DDX31: variants seen among roughly 807,000 people sequenced by gnomAD.
The protein encoded by DDX31 is DEAD-box helicase 31.
Under a neutral mutation model 91.3 loss-of-function variants are expected in DDX31, and 70 were observed. The observed-to-expected ratio is 0.77, with a 90% CI of 0.63 to 0.94. The LOEUF (loss-of-function observed/expected upper bound fraction) is 0.94, where lower values mean the gene tolerates loss of function less well. Ranked by LOEUF, DDX31 falls within the 40% of genes least tolerant of loss-of-function variation. The pLI, the probability that DDX31 is intolerant of heterozygous loss-of-function variation, is 0.00. For missense variants in DDX31, 902 were observed against 925.0 expected, an observed-to-expected ratio of 0.98 and a Z score of 0.32; for synonymous variants, 362 against 350.6, an observed-to-expected ratio of 1.03 and a Z score of -0.36.
intron 9 of DDX31, among the ~76,000 whole-genome samples, chr9:132,649,480 A>G (rs1015486124): frequency 6.6e-6 from 1 of 152,222 alleles, no homozygotes; most frequent in Non-Finnish European, 1.5e-5. Flanking sequence ...AAAAAGACAG[A>G]AAGAGCTTGG....
At chr9:132,667,016 T>C (rs980181763) in intron 1 of DDX31, among the ~76,000 whole-genome samples, 2 of 150,984 alleles carry the variant, frequency 1.3e-5, no homozygotes, top group Admixed American at 6.6e-5. Flanking sequence ...CCAAGCCTTT[T>C]TTTTGTATTT....
At chr9:132,669,591 A>C in intron 1 of DDX31, 4 of 1,480,418 alleles carry the variant, frequency 2.7e-6, no homozygotes, top group Non-Finnish European at 1.8e-6. Context: ...AACAGCCTCT[A>C]ATTCCTTCCT....
intron 3 of DDX31, 43 bp from the exon 4 acceptor site, chr9:132,661,294 A>G: frequency 6.9e-7 from 1 of 1,453,054 alleles, no homozygotes; most frequent in Non-Finnish European, 9.6e-7. Flanking sequence ...ATTTTGATAC[A>G]AAATATTTAA....
intron 19 of DDX31, among the ~76,000 whole-genome samples, chr9:132,597,027 G>C (rs961843253): frequency 5.9e-5 from 9 of 152,142 alleles, no homozygotes; most frequent in Admixed American, 4.6e-4. Context: ...ACATATAAGG[G>C]GGTAGCTGGT....
rs147780344 is a variant in DDX31 at position 132,660,990 on chromosome 9, G to A, written c.452+218C>T. The A allele has an allele frequency of 1.2e-4, 64 of 530,992 alleles. No individual in the cohort carries two copies. In the East Asian group the frequency reaches 1.9e-3, roughly 16 times the overall value. The allele number at this position is 530,992 out of a possible 1,614,324, so 32.9% of individuals were successfully genotyped here. On this transcript the variant is annotated intron_variant, in intron 4 of 19. Transcript: ENST00000372159. ...ACCTTCTGGATGAGACGTCTCTTGCGGTTCAGAGCCAAGGGCAGAACTGGA... is the reference window on the plus strand; with the variant it reads ...ACCTTCTGGATGAGACGTCTCTTGCAGTTCAGAGCCAAGGGCAGAACTGGA...
At chr9:132,660,516 T>C (rs943748709) in intron 4 of DDX31, among the ~76,000 whole-genome samples, 25 of 152,188 alleles carry the variant, frequency 1.6e-4, no homozygotes, top group Non-Finnish European at 1.5e-4. Context: ...CAGCAGCAGC[T>C]GTCCATTCTC....
At chr9:132,601,901 ACT>A (rs1395412703) in intron 19 of DDX31, among the ~76,000 whole-genome samples, 2 of 152,192 alleles carry the variant, frequency 1.3e-5, no homozygotes, top group African/African-American at 4.8e-5. Flanking sequence ...ATGAGCTAAC[ACT>A]CTATTCAGCA....
intron 6 of DDX31, among the ~76,000 whole-genome samples, chr9:132,654,603 A>G (rs956159314): frequency 6.6e-6 from 1 of 151,932 alleles, no homozygotes; most frequent in African/African-American, 2.4e-5. Flanking sequence ...ACAGAGCGAG[A>G]CTTCATCTCA....
At chr9:132,618,502 G>T in intron 17 of DDX31, 61 bp from the exon 18 acceptor site, 1 of 1,402,654 alleles carries the variant, frequency 7.1e-7, no homozygotes, top group South Asian at 1.3e-5. Context: ...TAATGAAGCA[G>T]TTTATAATAG....
chr9:132,630,213 A>G (rs1271159263), intron 16 of DDX31, 51 bp downstream of exon 16: 2 of 1,506,578 alleles, frequency 1.3e-6, no homozygotes, highest in Non-Finnish European at 9.0e-7. Context: ...AAAGCGACAG[A>G]AAGTTAATTA....
intron 14 of DDX31, among the ~76,000 whole-genome samples, chr9:132,637,181 C>G (rs1177878883): frequency 6.6e-6 from 1 of 152,140 alleles, no homozygotes; most frequent in African/African-American, 2.4e-5. Context: ...AGGGAAACAG[C>G]AGAGGCTCCA....
At chr9:132,637,921 C>A (rs1043940602) in intron 14 of DDX31, 2 of 997,492 alleles carry the variant, frequency 2.0e-6, no homozygotes, top group African/African-American at 3.5e-5. Flanking sequence ...TCTTCACAGC[C>A]GTATCTCCTT....
At chr9:132,636,760 T>A (rs1052872058) in intron 14 of DDX31, among the ~76,000 whole-genome samples, 4 of 152,132 alleles carry the variant, frequency 2.6e-5, no homozygotes, top group African/African-American at 9.7e-5. Context: ...TCCCCCAGAT[T>A]TAACTCAGCC....
At chr9:132,630,223 AG>A (rs1832636345) in intron 16 of DDX31, 40 bp downstream of exon 16, 1 of 1,522,690 alleles carries the variant, frequency 6.6e-7, no homozygotes, top group South Asian at 1.3e-5. Flanking sequence ...AAAGTTAATT[AG>A]GTGAGACCAG....
intron 19 of DDX31, among the ~76,000 whole-genome samples, chr9:132,599,630 A>G (rs1414650015): frequency 6.6e-6 from 1 of 152,262 alleles, no homozygotes; most frequent in African/African-American, 2.4e-5. Flanking sequence ...GTGAAATGCC[A>G]GAGTATTTTA....
intron 19 of DDX31, among the ~76,000 whole-genome samples, chr9:132,604,710 G>A (rs1830914912): frequency 6.6e-6 from 1 of 152,194 alleles, no homozygotes; most frequent in Admixed American, 6.5e-5. Flanking sequence ...TTCCCCAGCA[G>A]ACTTCCAGAG....
intron 19 of DDX31, among the ~76,000 whole-genome samples, chr9:132,611,881 G>A (rs1831360901): frequency 6.6e-6 from 1 of 152,044 alleles, no homozygotes. Flanking sequence ...TGGGCCCTAT[G>A]AACCCCACCA....
chr9:132,664,509 G>A (rs1266139563), intron 1 of DDX31, among the ~76,000 whole-genome samples: 1 of 152,050 alleles, frequency 6.6e-6, no homozygotes, highest in Non-Finnish European at 1.5e-5. Context: ...AGGAGTTCGA[G>A]ACCAGCCTGG....
At chr9:132,615,745 C>T (rs1350070508) in intron 18 of DDX31, among the ~76,000 whole-genome samples, 1 of 152,196 alleles carries the variant, frequency 6.6e-6, no homozygotes. Flanking sequence ...TATGTTACCA[C>T]TCGTTTTACA....
Sources: allele counts gnomAD v4.1 joint callset (sites outside exome capture counted in the v4.1 genomes callset), GRCh38; gene constraint gnomAD v4.1.1; transcripts MANE v1.5; gene names NCBI Gene and HGNC (gene_info 2026-07-23, HGNC 2026-07-21).